Variants in BCKDHB observed in about 807,000 individuals in gnomAD.
BCKDHB encodes 2-oxoisovalerate dehydrogenase subunit beta, mitochondrial.
Under a neutral mutation model 48.5 loss-of-function variants are expected in BCKDHB, and 41 were observed. The observed-to-expected ratio is 0.85, with a 90% confidence interval of 0.66 to 1.10. BCKDHB has a LOEUF of 1.10. BCKDHB is among the 50% of genes least tolerant of loss of function. BCKDHB has a pLI of 0.00. For synonymous variants in BCKDHB, 201 were observed against 174.8 expected (o/e 1.15, Z -1.18); for missense variants, 496 against 494.2 (o/e 1.00, Z -0.03).
rs527935667 is a variant in BCKDHB at position 80,141,125 on chromosome 6, G to T, written c.343+11896G>T. Among the ~76,000 whole-genome samples the T allele has an allele frequency of 1.4e-3, 218 of 152,230 alleles. 1 individual carries two copies. Among genetic ancestry groups the T allele is most frequent in the African/African-American group, 4.8e-3 (201 of 41,540 alleles). Reference sequence around the variant, plus strand: ...TTGTAGTAATCTCTGACGGTAGTTTGTATTTCTGTGGGATCGGTGGTGATA... The same window carrying T: ...TTGTAGTAATCTCTGACGGTAGTTTTTATTTCTGTGGGATCGGTGGTGATA... On this transcript the variant is annotated intron_variant, in intron 3 of 9. Coordinates refer to ENST00000320393, the MANE Select transcript of BCKDHB (RefSeq NM_183050.4).
chr6:80,437,050 G>A, the BCKDHB span, among the ~76,000 whole-genome samples: 1 of 152,084 alleles, frequency 6.6e-6, no homozygotes, highest in African/African-American at 2.4e-5. Context: ...AGAAAAAGAA[G>A]ATTTAGGCAT....
chr6:80,375,856 G>A, the BCKDHB span, among the ~76,000 whole-genome samples: 1 of 152,134 alleles, frequency 6.6e-6, no homozygotes, highest in Non-Finnish European at 1.5e-5. Flanking sequence ...GCTTGATGTG[G>A]TGCTCTCCTT....
At chr6:80,444,412 C>G in the BCKDHB span, among the ~76,000 whole-genome samples, 1 of 152,098 alleles carries the variant, frequency 6.6e-6, no homozygotes, top group African/African-American at 2.4e-5. Context: ...ATTCTTGATA[C>G]TTATTAAAAT....
chr6:80,462,687 G>C, the BCKDHB span, among the ~76,000 whole-genome samples: 2 of 152,084 alleles, frequency 1.3e-5, no homozygotes, highest in African/African-American at 4.8e-5. Context: ...CTGAAGCCAG[G>C]GAAATACTTA....
chr6:80,201,005 G>A lies in BCKDHB; in HGVS notation c.814G>A (p.Val272Ile). 6.2e-7 allele frequency: 1 copy of A among 1,612,374 alleles called. No homozygotes were observed. Among genetic ancestry groups the A allele is most frequent in the Non-Finnish European group, 8.5e-7 (1 of 1,178,722 alleles). Reference sequence around the variant, plus strand: ...CGAAGTCATACAGGAAGGGAGTGATGTTACTCTAGTTGCCTGGGGCACTCA... The same window carrying A: ...CGAAGTCATACAGGAAGGGAGTGATATTACTCTAGTTGCCTGGGGCACTCA... ...QAEVIQEGSD[V>I]TLVAWGTQVH... Residue 272 changes from valine to isoleucine, a missense_variant, in exon 7 of 10, where the codon GTT becomes ATT. Transcript: ENST00000320393.
intron 6 of BCKDHB, among the ~76,000 whole-genome samples, chr6:80,197,934 T>TCATCCATCCATCCATCCATC (rs10651030): frequency 1.8e-4 from 27 of 148,978 alleles, no homozygotes; most frequent in East Asian, 1.8e-3. Context: ...ATCCATCTGT[T>TCATCCATCCATCCATCCATC]CATCCATCCA....
intron 8 of BCKDHB, among the ~76,000 whole-genome samples, chr6:80,228,284 A>G (rs774131634): frequency 2.0e-5 from 3 of 152,218 alleles, no homozygotes; most frequent in Non-Finnish European, 2.9e-5. Context: ...GATAAAACCA[A>G]AAAACTCCAG....
chr6:80,402,574 G>A, the BCKDHB span, among the ~76,000 whole-genome samples: 1 of 151,784 alleles, frequency 6.6e-6, no homozygotes, highest in African/African-American at 2.4e-5. Context: ...TCTTCACTCT[G>A]TTGATTCCTT....
rs145689373 is a variant in BCKDHB, at chr6:80,136,250, G to A, written c.343+7021G>A. On this transcript the variant is annotated intron_variant, in intron 3 of 9. Transcript: ENST00000320393. ...CTGTAGTTATCAAAACGGTGTGACA[G>A]TGGCAAAAAGACAAACATTGATGAA... Among the ~76,000 whole-genome samples the A allele has an allele frequency of 1.7e-3, 264 of 152,194 alleles. 1 individual carries two copies. Among genetic ancestry groups the A allele is most frequent in the African/African-American group, 6.0e-3 (250 of 41,542 alleles).
At chr6:80,416,136 A>G in the BCKDHB span, among the ~76,000 whole-genome samples, 1 of 151,090 alleles carries the variant, frequency 6.6e-6, no homozygotes, top group Non-Finnish European at 1.5e-5. Context: ...GTCATTTCTG[A>G]TGGTGTGTAT....
chr6:80,146,216 A>AT (rs1423269268), intron 3 of BCKDHB, among the ~76,000 whole-genome samples: 3 of 152,154 alleles, frequency 2.0e-5, no homozygotes, highest in Non-Finnish European at 4.4e-5. Flanking sequence ...AGGTACTAAA[A>AT]TTTTAAAGAT....
chr6:80,368,410 A>G, the BCKDHB span, among the ~76,000 whole-genome samples: 2 of 152,210 alleles, frequency 1.3e-5, no homozygotes, highest in Non-Finnish European at 2.9e-5. Context: ...GAGTCAGCCT[A>G]GATCATTCAG....
At chr6:80,390,118 G>A in the BCKDHB span, among the ~76,000 whole-genome samples, 49 of 152,302 alleles carry the variant, frequency 3.2e-4, no homozygotes, top group African/African-American at 1.1e-3. Context: ...TGGGGTGATT[G>A]ACCCAGACTA....
intron 8 of BCKDHB, among the ~76,000 whole-genome samples, chr6:80,250,238 G>A (rs1562174762): frequency 6.7e-6 from 1 of 149,732 alleles, no homozygotes; most frequent in Non-Finnish European, 1.5e-5. Context: ...AGATCAGGGT[G>A]GTATCACTTC....
downstream of BCKDHB, among the ~76,000 whole-genome samples, chr6:80,346,812 T>G (rs1000979280): frequency 6.6e-6 from 1 of 152,130 alleles, no homozygotes; most frequent in East Asian, 1.9e-4. Context: ...TCACCACATT[T>G]TAGACAAGCC....
chr6:80,383,078 C>A, the BCKDHB span, among the ~76,000 whole-genome samples: 3 of 152,190 alleles, frequency 2.0e-5, no homozygotes, highest in Non-Finnish European at 4.4e-5. Flanking sequence ...TGGGGTCAGG[C>A]TGAAGGAAAA....
chr6:80,199,252 A>G (rs1372002553), intron 6 of BCKDHB, among the ~76,000 whole-genome samples: 1 of 152,090 alleles, frequency 6.6e-6, no homozygotes, highest in Non-Finnish European at 1.5e-5. Flanking sequence ...TGGATGCCAG[A>G]AAGAGTGAGA....
the BCKDHB span, among the ~76,000 whole-genome samples, chr6:80,382,493 G>T: frequency 6.6e-6 from 1 of 152,050 alleles, no homozygotes; most frequent in African/African-American, 2.4e-5. Flanking sequence ...CATGTTATGT[G>T]ACATCAGTTA....
intron 8 of BCKDHB, among the ~76,000 whole-genome samples, chr6:80,269,006 G>A (rs924979418): frequency 6.6e-5 from 10 of 152,064 alleles, no homozygotes; most frequent in African/African-American, 2.2e-4. Context: ...GAATGCAATA[G>A]CATAAATAAA....
Sources: allele counts gnomAD v4.1 joint callset (sites outside exome capture counted in the v4.1 genomes callset), GRCh38; gene constraint gnomAD v4.1.1; transcripts MANE v1.5; gene names NCBI Gene and HGNC (gene_info 2026-07-23, HGNC 2026-07-21).